TNS3: variants seen among roughly 807,000 people sequenced by gnomAD.
TNS3 encodes tensin 3, also known as tensin-3.
Under a neutral mutation model 140.9 loss-of-function variants are expected in TNS3, and 45 were observed. That is an observed-to-expected ratio of 0.32 (90% CI 0.25 to 0.41). TNS3 has a LOEUF of 0.41. Ranked by LOEUF, TNS3 falls within the 10% of genes least tolerant of loss-of-function variation. The pLI is 1.00. For missense variants in TNS3, 1,716 were observed against 1,906.7 expected (o/e 0.90, Z 1.86); for synonymous variants, 815 against 788.4 (o/e 1.03, Z -0.56).
At chr7:47,338,548 T>C (rs1788763572) in intron 20 of TNS3, among the ~76,000 whole-genome samples, 1 of 152,214 alleles carries the variant, frequency 6.6e-6, no homozygotes, top group African/African-American at 2.4e-5. Context: ...AAAATCCATT[T>C]ATTTAATTTA....
chr7:47,411,817 A>G lies in TNS3; in HGVS notation c.648-15T>C, dbSNP rs1246989890. 2 of 1,611,842 alleles carry G rather than the reference A, an allele frequency of 1.2e-6. No individual in the cohort carries two copies. Among genetic ancestry groups the G allele is most frequent in the Non-Finnish European group, 1.7e-6 (2 of 1,178,906 alleles). ...GGCCAACGTTGCTTTGGGATGAAGAAGAAGGTAGATCATTATGCAACTTCA... is the reference window on the plus strand; with the variant it reads ...GGCCAACGTTGCTTTGGGATGAAGAGGAAGGTAGATCATTATGCAACTTCA... On this transcript the variant is annotated splice_polypyrimidine_tract_variant and intron_variant, in intron 12 of 30. Coordinates refer to ENST00000311160, the MANE Select transcript of TNS3 (RefSeq NM_022748.12).
At chr7:47,443,054 G>A (rs1217579204) in intron 4 of TNS3, among the ~76,000 whole-genome samples, 5 of 152,110 alleles carry the variant, frequency 3.3e-5, no homozygotes, top group South Asian at 2.1e-4. Context: ...AGAGATCATC[G>A]TCTCAGCCTC....
At chr7:47,572,613 G>A (rs966615997) in intron 1 of TNS3, among the ~76,000 whole-genome samples, 1 of 152,172 alleles carries the variant, frequency 6.6e-6, no homozygotes, top group Non-Finnish European at 1.5e-5. Flanking sequence ...CAGTGGCTAA[G>A]GCCTGTAATC....
At chr7:47,525,088 G>A (rs1021345942) in intron 2 of TNS3, among the ~76,000 whole-genome samples, 14 of 152,194 alleles carry the variant, frequency 9.2e-5, no homozygotes, top group Non-Finnish European at 1.9e-4. Flanking sequence ...TGGAGTAGAG[G>A]AGCATTAGCC....
chr7:47,361,953 G>A (rs953367091), intron 17 of TNS3, among the ~76,000 whole-genome samples: 8 of 152,108 alleles, frequency 5.3e-5, no homozygotes, highest in Admixed American at 2.6e-4. Flanking sequence ...TGCCACCCAC[G>A]GAATCATGAA....
At chr7:47,514,974 G>A (rs547329514) in intron 2 of TNS3, among the ~76,000 whole-genome samples, 19 of 152,292 alleles carry the variant, frequency 1.2e-4, no homozygotes, top group East Asian at 9.6e-4. Flanking sequence ...TAGTGAGAAC[G>A]GGTTGCCTCA....
intron 2 of TNS3, among the ~76,000 whole-genome samples, chr7:47,526,833 C>G (rs1799210621): frequency 6.6e-6 from 1 of 152,212 alleles, no homozygotes; most frequent in Non-Finnish European, 1.5e-5. Flanking sequence ...AGCTCTGATT[C>G]CCAGGTTCTC....
At chr7:47,291,596 T>C (rs1251390273) in intron 27 of TNS3, among the ~76,000 whole-genome samples, 7 of 152,220 alleles carry the variant, frequency 4.6e-5, no homozygotes, top group African/African-American at 1.2e-4. Flanking sequence ...GGTCAAATCA[T>C]TGACTCATGT....
chr7:47,384,230 G>T (rs942464265), intron 16 of TNS3, among the ~76,000 whole-genome samples: 7 of 152,226 alleles, frequency 4.6e-5, no homozygotes, highest in African/African-American at 1.7e-4. Flanking sequence ...CACCCACATG[G>T]GCAGACAGGC....
intron 16 of TNS3, among the ~76,000 whole-genome samples, chr7:47,393,878 C>T (rs1387952244): frequency 1.3e-5 from 2 of 152,072 alleles, no homozygotes; most frequent in East Asian, 3.9e-4. Flanking sequence ...TCCAGAACTC[C>T]TATGCACCCA....
At chr7:47,477,584 G>A (rs1797243009) in intron 4 of TNS3, among the ~76,000 whole-genome samples, 1 of 152,162 alleles carries the variant, frequency 6.6e-6, no homozygotes, top group Non-Finnish European at 1.5e-5. Flanking sequence ...GGGCATCTGA[G>A]ACAGAATAGG....
chr7:47,543,925 C>T (rs770917393), intron 1 of TNS3, among the ~76,000 whole-genome samples: 38 of 152,306 alleles, frequency 2.5e-4, no homozygotes, highest in Middle Eastern at 3.4e-3. Flanking sequence ...TTTGCCCGCC[C>T]TGGGGAAACC....
At chr7:47,458,631 C>T (rs1461086060) in intron 4 of TNS3, among the ~76,000 whole-genome samples, 1 of 152,226 alleles carries the variant, frequency 6.6e-6, no homozygotes, top group Non-Finnish European at 1.5e-5. Context: ...CACAAGCCAA[C>T]CACAGACGAA....
At chr7:47,326,535 C>T (rs941990643) in intron 20 of TNS3, among the ~76,000 whole-genome samples, 2 of 152,072 alleles carry the variant, frequency 1.3e-5, no homozygotes, top group South Asian at 2.1e-4. Flanking sequence ...CACTGAGGTT[C>T]CCCCTTAGAG....
At chr7:47,347,486 A>G (rs572719153) in intron 17 of TNS3, among the ~76,000 whole-genome samples, 124 of 152,136 alleles carry the variant, frequency 8.2e-4, no homozygotes, top group African/African-American at 2.9e-3. Flanking sequence ...GAGCAGCAGG[A>G]CCGCTGTAAG....
At chr7:47,323,966 A>G (rs1395569207) in intron 20 of TNS3, among the ~76,000 whole-genome samples, 1 of 152,216 alleles carries the variant, frequency 6.6e-6, no homozygotes, top group Non-Finnish European at 1.5e-5. Flanking sequence ...CGGATTTTCT[A>G]CTAAGAATTT....
chr7:47,316,198 G>A (rs1179717224), intron 20 of TNS3, among the ~76,000 whole-genome samples: 1 of 147,884 alleles, frequency 6.8e-6, no homozygotes, highest in East Asian at 2.0e-4. Flanking sequence ...CAGTTAAATA[G>A]GAAGTATCTT....
At chr7:47,530,838 A>AAAAAAAAAAAAAAAATATATATATATAT in intron 1 of TNS3, among the ~76,000 whole-genome samples, 6 of 54,548 alleles carry the variant, frequency 1.1e-4, no homozygotes, top group Non-Finnish European at 9.9e-5. Context: ...AAAAAAAAAA[A>AAAAAAAAAAAAAAAATATATATATATAT]ATATATATAT....
In TNS3 at chr7:47,303,388, G is replaced by A. The variant is rs1276871292; in HGVS notation, c.3019C>T (p.Pro1007Ser). ...FHSHELSLAE[P>S]PDSLAPPSSQ... ...CTGGGAGGCGCCAGGGAGTCCGGTG[G>A]CTCTGCTAGGGACAGCTCATGGCTG... The change falls in exon 22 of 31, where the codon CCA (proline) becomes TCA (serine). Residue 1007 changes from proline to serine, a missense_variant. Pro to Ser is a moderately conservative substitution (Grantham distance 74). Around this residue, in one of 3 missense-constraint regions of TNS3, gnomAD observed 1,163 missense variants for 1,182.1 expected, o/e 0.98. Transcript: ENST00000311160. 6 of 1,613,704 alleles carry A rather than the reference G, an allele frequency of 3.7e-6. No individual in the cohort carries two copies. Among genetic ancestry groups the A allele is most frequent in the Non-Finnish European group, 4.2e-6 (5 of 1,180,010 alleles).
Sources: gnomAD v4.1 joint callset for allele counts (sites outside exome capture counted in the v4.1 genomes callset) on GRCh38, gnomAD v4.1.1 for gene constraint, gnomAD v4.1.1 regional missense constraint, MANE v1.5 for transcripts, NCBI Gene and HGNC (gene_info 2026-07-23, HGNC 2026-07-21) for gene names.